Variants in ATP8A2 observed in about 807,000 individuals in gnomAD.
ATP8A2 encodes phospholipid-transporting ATPase IB.
A neutral mutation model predicts 165.6 loss-of-function variants in ATP8A2; 100 were observed. The observed-to-expected ratio is 0.60, with a 90% CI of 0.51 to 0.71. The LOEUF (loss-of-function observed/expected upper bound fraction) is 0.71. Among genes scored for constraint, ATP8A2 ranks in the 30% least tolerant of loss-of-function variants. The pLI, the probability that ATP8A2 is intolerant of heterozygous loss-of-function variation, is 0.00. For missense variants in ATP8A2, 1,227 were observed against 1,479.5 expected (o/e 0.83, Z 2.80); for synonymous variants, 543 against 548.8 (o/e 0.99, Z 0.15).
intron 24 of ATP8A2, among the ~76,000 whole-genome samples, chr13:25,642,187 A>G (rs558572324): frequency 6.6e-6 from 1 of 152,354 alleles, no homozygotes; most frequent in Non-Finnish European, 1.5e-5. Flanking sequence ...GGACATAGGC[A>G]TGGGCAAGGA....
At chr13:25,537,740 GC>G (rs1251334384) in intron 6 of ATP8A2, among the ~76,000 whole-genome samples, 11 of 152,130 alleles carry the variant, frequency 7.2e-5, no homozygotes, top group African/African-American at 2.7e-4. Flanking sequence ...TTCTGACTTA[GC>G]CCTTTTCTCC....
intron 27 of ATP8A2, among the ~76,000 whole-genome samples, chr13:25,808,115 CT>C (rs1456016926): frequency 2.0e-5 from 3 of 149,580 alleles, no homozygotes; most frequent in Non-Finnish European, 4.4e-5. Context: ...TTCAAACTGG[CT>C]TTTTTGCTCC....
chr13:25,674,083 T>C (rs151049741), intron 24 of ATP8A2, among the ~76,000 whole-genome samples: 215 of 152,226 alleles, frequency 1.4e-3, no homozygotes, highest in Non-Finnish European at 2.5e-3. Flanking sequence ...TTCGGGAAGG[T>C]CTAGGAAATA....
At chr13:25,787,713 G>A (rs1284793047) in intron 27 of ATP8A2, among the ~76,000 whole-genome samples, 2 of 152,158 alleles carry the variant, frequency 1.3e-5, no homozygotes, top group African/African-American at 2.4e-5. Flanking sequence ...ACCATTGGCC[G>A]GGCCTCTCTG....
At position 25,531,245 on chromosome 13, in the gene ATP8A2, T is replaced by TTATATATGA. The variant is rs201407069; in HGVS notation, c.420+612_420+620dup. ...ATATATGTTATATATGATATATATGTTATATATGATATATATGATATATAT... is the reference window on the plus strand; with the variant it reads ...ATATATGTTATATATGATATATATGTTATATATGATATATATGATATATATGATATATAT... On this transcript the variant is annotated intron_variant, in intron 4 of 36. Transcript: ENST00000381655. 2.0e-3 allele frequency among the ~76,000 whole-genome samples: 177 copies of TTATATATGA among 90,438 alleles called. 8 individuals are homozygous for TTATATATGA. The highest frequency in any genetic ancestry group is 6.3e-3 in the Middle Eastern group (1 of 158). The allele number at this position is 90,438 out of a possible 152,430, so 59.3% of individuals were successfully genotyped here.
chr13:25,895,114 T>A (rs1312793394), intron 33 of ATP8A2, among the ~76,000 whole-genome samples: 1 of 152,088 alleles, frequency 6.6e-6, no homozygotes, highest in Non-Finnish European at 1.5e-5. Context: ...TCTTGTGCCA[T>A]TTTTCAAAAA....
chr13:25,559,822 TTTA>T, intron 15 of ATP8A2, 57 bp downstream of exon 15: 1 of 1,268,916 alleles, frequency 7.9e-7, no homozygotes, highest in Admixed American at 1.7e-5. Flanking sequence ...GGAATAATTA[TTTA>T]TTATTATTCA....
Position 26,020,143 on chromosome 13 carries a change from C to T in ATP8A2, c.*158C>T, listed in dbSNP as rs150425621. ...GCAGTTTGTTAGTTACATATTCCCT[C>T]GCAAACCTGGAGTGCAGACCACAGG... is the stretch of plus-strand genomic sequence containing the variant. On this transcript the variant is annotated 3_prime_UTR_variant, in exon 37 of 37. Coordinates refer to ENST00000381655, the MANE Select transcript of ATP8A2 (RefSeq NM_016529.6). 1,002 of 627,224 alleles carry T rather than the reference C, an allele frequency of 1.6e-3. 7 individuals carry two copies. The highest frequency in any genetic ancestry group is 0.015 in the African/African-American group (847 of 54,666). 38.9% of individuals were successfully genotyped at this position (627,224 alleles called of 1,614,324 possible). A position where few individuals can be genotyped will look rare whatever the true frequency, so the allele number is the denominator to read the frequency against.
intron 35 of ATP8A2, among the ~76,000 whole-genome samples, chr13:26,004,470 C>T (rs1314373507): frequency 6.6e-6 from 1 of 151,932 alleles, no homozygotes. Context: ...GATAATTTTG[C>T]TTTTTTCTTT....
intron 24 of ATP8A2, among the ~76,000 whole-genome samples, chr13:25,635,727 A>G (rs2041352374): frequency 6.6e-6 from 1 of 152,208 alleles, no homozygotes; most frequent in African/African-American, 2.4e-5. Context: ...TCCTCTGTGC[A>G]AAAATTTTAG....
chr13:25,876,310 A>T (rs1952818258), intron 33 of ATP8A2, among the ~76,000 whole-genome samples: 1 of 152,194 alleles, frequency 6.6e-6, no homozygotes, highest in Non-Finnish European at 1.5e-5. Context: ...AGAAAAGTTT[A>T]GGATTTGGAA....
At chr13:25,523,186 G>T (rs1239493142) in intron 2 of ATP8A2, among the ~76,000 whole-genome samples, 1 of 151,270 alleles carries the variant, frequency 6.6e-6, no homozygotes, top group Non-Finnish European at 1.5e-5. Context: ...TTTCTTGCCT[G>T]GTTTTATTAT....
chr13:25,735,068 A>G (rs150452395), intron 25 of ATP8A2, among the ~76,000 whole-genome samples: 1,991 of 152,322 alleles, frequency 0.013, 19 homozygotes, highest in South Asian at 0.022. Flanking sequence ...CACAGTACCT[A>G]AAATGTAATT....
chr13:25,538,169 T>C, intron 7 of ATP8A2, 108 bp downstream of exon 7: 2 of 659,494 alleles, frequency 3.0e-6, no homozygotes, highest in Non-Finnish European at 5.3e-6. Flanking sequence ...TACCATCCTC[T>C]CTCTGTCCCA....
At chr13:25,696,676 G>C (rs1480260583) in intron 24 of ATP8A2, among the ~76,000 whole-genome samples, 1 of 152,180 alleles carries the variant, frequency 6.6e-6, no homozygotes, top group East Asian at 1.9e-4. Flanking sequence ...ATTGAAAAGA[G>C]TTAGGGTCTT....
At chr13:25,780,526 C>T (rs575882080) in intron 27 of ATP8A2, among the ~76,000 whole-genome samples, 8 of 152,056 alleles carry the variant, frequency 5.3e-5, no homozygotes, top group Non-Finnish European at 7.4e-5. Context: ...GAAACTGAAC[C>T]GCAGAATTTA....
At chr13:25,806,001 A>T (rs1029629135) in intron 27 of ATP8A2, among the ~76,000 whole-genome samples, 1 of 152,212 alleles carries the variant, frequency 6.6e-6, no homozygotes, top group African/African-American at 2.4e-5. Flanking sequence ...AGGGCAGGTC[A>T]TAAGAGCAGG....
chr13:25,581,835 G>A lies in ATP8A2; in HGVS notation c.2024G>A (p.Gly675Glu), dbSNP rs1413208210. The A allele has an allele frequency of 6.2e-7, 1 of 1,613,908 alleles. No homozygotes were observed. Among genetic ancestry groups the A allele is most frequent in the Non-Finnish European group, 8.5e-7 (1 of 1,179,962 alleles). Residue 675 changes from glycine to glutamate, a missense_variant, in exon 23 of 37, where the codon GGA becomes GAA. Transcript: ENST00000381655. ...TCAATGTAGAATTTGCTGCTACTTG[G>A]AGCCACAGCCATAGAAGATCGCCTT... ...EIIEKNLLLL[G>E]ATAIEDRLQA...
chr13:25,403,224 C>A (rs1311887006), intron 1 of ATP8A2, among the ~76,000 whole-genome samples: 1 of 152,174 alleles, frequency 6.6e-6, no homozygotes, highest in Non-Finnish European at 1.5e-5. Flanking sequence ...AAGCAGAGAG[C>A]AGCCCTCACC....
Sources: allele counts gnomAD v4.1 joint callset (sites outside exome capture counted in the v4.1 genomes callset), GRCh38; gene constraint gnomAD v4.1.1; transcripts MANE v1.5; gene names NCBI Gene and HGNC (gene_info 2026-07-23, HGNC 2026-07-21).